Variants in CASTOR2 observed in about 807,000 individuals in gnomAD.
The protein encoded by CASTOR2 is GATS protein like 2.
In CASTOR2, 8 loss-of-function variants were observed where a neutral mutation model predicts 31.2. The observed-to-expected ratio is 0.26, with a 90% CI of 0.15 to 0.46. The LOEUF (loss-of-function observed/expected upper bound fraction) is 0.46, where lower values mean the gene tolerates loss of function less well. Among genes scored for constraint, CASTOR2 ranks in the 20% least tolerant of loss-of-function variants. CASTOR2 has a pLI of 0.99. For synonymous variants in CASTOR2, 162 were observed against 158.7 expected (o/e 1.02, Z -0.16); for missense variants, 216 against 382.1 (o/e 0.57, Z 3.62).
At chr7:75,006,145 A>G (rs1804601045) in intron 1 of CASTOR2, among the ~76,000 whole-genome samples, 4 of 152,052 alleles carry the variant, frequency 2.6e-5, no homozygotes, top group African/African-American at 7.2e-5. Flanking sequence ...TTAGCTGGAC[A>G]TGGTATTGTG....
chr7:74,987,750 C>T (rs1244871480), intron 1 of CASTOR2, among the ~76,000 whole-genome samples: 11 of 152,112 alleles, frequency 7.2e-5, no homozygotes, highest in African/African-American at 2.7e-4. Flanking sequence ...GACAGAGCAC[C>T]TAGGCTGGAG....
intron 2 of CASTOR2, among the ~76,000 whole-genome samples, chr7:75,013,535 C>T (rs1192796429): frequency 2.0e-5 from 3 of 151,946 alleles, no homozygotes; most frequent in South Asian, 2.1e-4. Flanking sequence ...CCCAGCTACT[C>T]GGTGGGCTGC....
At chr7:74,996,568 G>A (rs1804351849) in intron 1 of CASTOR2, among the ~76,000 whole-genome samples, 2 of 151,580 alleles carry the variant, frequency 1.3e-5, no homozygotes, top group African/African-American at 4.9e-5. Flanking sequence ...CTCGGTGTGC[G>A]TTCTCAGCTC....
At chr7:75,022,686 C>G (rs1165063088) in intron 7 of CASTOR2, among the ~76,000 whole-genome samples, 2 of 152,308 alleles carry the variant, frequency 1.3e-5, no homozygotes, top group East Asian at 3.9e-4. Context: ...GTAATCCCAG[C>G]TACTCAGGAG....
At chr7:74,990,495 G>A (rs1804182150) in intron 1 of CASTOR2, among the ~76,000 whole-genome samples, 1 of 152,102 alleles carries the variant, frequency 6.6e-6, no homozygotes, top group Non-Finnish European at 1.5e-5. Context: ...AAGGCAGGAA[G>A]ATCTCTTGAG....
intron 1 of CASTOR2, among the ~76,000 whole-genome samples, chr7:75,006,523 C>T (rs1804609215): frequency 6.6e-6 from 1 of 152,198 alleles, no homozygotes; most frequent in Admixed American, 6.5e-5. Flanking sequence ...CCCTGCAACA[C>T]TGTCCACTCA....
chr7:74,968,568 CT>C (rs1185488070), intron 1 of CASTOR2, among the ~76,000 whole-genome samples: 1 of 38,062 alleles, frequency 2.6e-5, no homozygotes, highest in Admixed American at 3.1e-4. Flanking sequence ...GATCTTAGAG[CT>C]TTTTTTTGTT....
intron 8 of CASTOR2, 21 bp from the exon 9 acceptor site, chr7:75,024,613 G>A (rs1805078329): frequency 1.3e-6 from 2 of 1,551,248 alleles, no homozygotes; most frequent in East Asian, 2.4e-5. Context: ...GCAGGCATCT[G>A]CCTCCTCTAC....
chr7:75,026,206 T>TTTTTTTTTTTTTTTTTTTTA lies in CASTOR2; in HGVS notation c.*1507_*1508insTTTTTTTTTTTTTTTTTTTA, dbSNP rs1805127977. ...TGGCGGGGGTTTTTTTTTTTTTTTT[T>TTTTTTTTTTTTTTTTTTTTA]GAGATGGGAGTCTGGCTCTGTTGCC... On this transcript the variant is annotated 3_prime_UTR_variant, in exon 9 of 9. Coordinates refer to ENST00000616305, the MANE Select transcript of CASTOR2 (RefSeq NM_001145064.3). 7.1e-6 allele frequency among the ~76,000 whole-genome samples: 1 copy of TTTTTTTTTTTTTTTTTTTTA among 141,732 alleles called. No individual in the cohort carries two copies. The highest frequency in any genetic ancestry group is 1.5e-5 in the Non-Finnish European group (1 of 64,984). 93.0% of individuals were successfully genotyped at this position (141,732 alleles called of 152,430 possible).
At chr7:74,985,520 GCAGTAATCATGC>G (rs1350079524) in intron 1 of CASTOR2, among the ~76,000 whole-genome samples, 9 of 144,502 alleles carry the variant, frequency 6.2e-5, no homozygotes, top group Admixed American at 1.5e-4. Context: ...GGTTGAGGCT[GCAGTAATCATGC>G]CAGTAATCAT....
intron 2 of CASTOR2, among the ~76,000 whole-genome samples, chr7:75,013,624 T>C (rs1185516191): frequency 6.6e-6 from 1 of 151,922 alleles, no homozygotes; most frequent in Non-Finnish European, 1.5e-5. Flanking sequence ...GCCTGGGTGA[T>C]AGAGCAACAC....
chr7:75,016,221 A>G (rs71558566), intron 2 of CASTOR2, among the ~76,000 whole-genome samples: 16,835 of 152,232 alleles, frequency 0.11, 975 homozygotes, highest in South Asian at 0.12. Flanking sequence ...TCGAGTCTGC[A>G]GCTGTGTGTG....
In CASTOR2 at chr7:74,992,553, C is replaced by T. The variant is rs1554437460; in HGVS notation, c.114-15441C>T. ...CTCCTGGGTTCGAGCGATTCTTCTG[C>T]CTCAGCCTCCAGAGTAGCTGGGACT... On this transcript the variant is annotated intron_variant, in intron 1 of 8. Transcript: ENST00000616305. 1.1e-4 allele frequency among the ~76,000 whole-genome samples: 16 copies of T among 152,196 alleles called. No homozygotes were observed. The East Asian group carries it at 2.9e-3, about 28-fold the overall frequency.
chr7:75,031,374 C>G lies in CASTOR2; in HGVS notation c.*6675C>G, dbSNP rs987324400. On this transcript the variant is annotated 3_prime_UTR_variant, in exon 9 of 9. Coordinates refer to ENST00000616305, the MANE Select transcript of CASTOR2 (RefSeq NM_001145064.3). ...GAACCTGCCATCTTATCCCTACCCC[C>G]CCGGGGCCCTCAAGCTTATTTTCTT... Among the ~76,000 whole-genome samples the G allele has an allele frequency of 1.3e-5, 2 of 152,196 alleles. No individual in the cohort carries two copies. The highest frequency in any genetic ancestry group is 6.5e-5 in the Admixed American group (1 of 15,274).
chr7:75,021,083 C>T (rs1182810634), intron 6 of CASTOR2, among the ~76,000 whole-genome samples: 1 of 152,136 alleles, frequency 6.6e-6, no homozygotes, highest in Non-Finnish European at 1.5e-5. Flanking sequence ...CCTCCACCTC[C>T]CAGGTTCAAG....
chr7:75,012,259 C>T (rs1804768160), intron 2 of CASTOR2, among the ~76,000 whole-genome samples: 1 of 152,032 alleles, frequency 6.6e-6, no homozygotes, highest in African/African-American at 2.4e-5. Context: ...GACAACTGTA[C>T]CCCTCATCTC....
At chr7:75,003,637 C>T (rs1207277449) in intron 1 of CASTOR2, among the ~76,000 whole-genome samples, 2 of 151,994 alleles carry the variant, frequency 1.3e-5, no homozygotes, top group Non-Finnish European at 2.9e-5. Context: ...GTAGTCTCAG[C>T]TACTCTGGAG....
intron 2 of CASTOR2, among the ~76,000 whole-genome samples, chr7:75,014,109 A>G (rs1804811886): frequency 1.3e-5 from 2 of 152,130 alleles, no homozygotes; most frequent in Non-Finnish European, 2.9e-5. Flanking sequence ...CCTCTGGGTA[A>G]TGGGTAGAAG....
chr7:74,984,915 T>C (rs1157556991), intron 1 of CASTOR2, among the ~76,000 whole-genome samples: 19 of 152,190 alleles, frequency 1.2e-4, no homozygotes, highest in Non-Finnish European at 2.5e-4. Context: ...TCAGATCACC[T>C]GAGGTCAGGA....
Sources: gnomAD v4.1 joint callset for allele counts (sites outside exome capture counted in the v4.1 genomes callset) on GRCh38, gnomAD v4.1.1 for gene constraint, MANE v1.5 for transcripts, NCBI Gene and HGNC (gene_info 2026-07-23, HGNC 2026-07-21) for gene names.